NF1: variants seen among roughly 807,000 people sequenced by gnomAD.
NF1 encodes the protein neurofibromin.
Under a neutral mutation model 325.7 loss-of-function variants are expected in NF1, and 122 were observed. That is an observed-to-expected ratio of 0.37 (90% CI 0.32 to 0.44). NF1 has a LOEUF of 0.44. NF1 is among the 20% of genes least tolerant of loss of function. NF1 has a pLI of 1.00. For synonymous variants in NF1, 1,091 were observed against 1,186.0 expected (o/e 0.92, Z 1.65); for missense variants, 2,140 against 3,415.4 (o/e 0.63, Z 9.31).
In NF1 at chr17:31,235,743, G is replaced by A. The variant is rs2151438011; in HGVS notation, c.3841G>A (p.Ala1281Thr). ...GACTCTCTTCCGAGGCAACAGCTTGGCCAGTAAAATAATGACATTCTGTTT... is the reference window on the plus strand; with the variant it reads ...GACTCTCTTCCGAGGCAACAGCTTGACCAGTAAAATAATGACATTCTGTTT... ...MQTLFRGNSL[A>T]SKIMTFCFKV... is the part of the protein sequence containing the mutation. The change falls in exon 28 of 58, where the codon GCC becomes ACC. Residue 1281 changes from alanine (A) to threonine (T), a missense_variant. Ala to Thr is a moderately conservative substitution (Grantham distance 58). Transcript: ENST00000358273. 1 of 1,614,096 alleles carries A rather than the reference G, an allele frequency of 6.2e-7. No individual in the cohort carries two copies. Among genetic ancestry groups the A allele is most frequent in the Non-Finnish European group, 8.5e-7 (1 of 1,180,016 alleles).
chr17:31,239,261 A>G (rs1434411728), intron 29 of NF1, among the ~76,000 whole-genome samples: 1 of 152,244 alleles, frequency 6.6e-6, no homozygotes, highest in Non-Finnish European at 1.5e-5. Context: ...AGAGAAGGCT[A>G]GAGAAAAAAG....
In NF1 at chr17:31,338,810, T is replaced by C. The variant is rs370402788; in HGVS notation, c.6921+5T>C. 1.3e-6 allele frequency: 2 copies of C among 1,574,114 alleles called. No individual in the cohort carries two copies. The highest frequency in any genetic ancestry group is 1.7e-6 in the Non-Finnish European group (2 of 1,143,802). On this transcript the variant is annotated splice_donor_5th_base_variant and intron_variant, in intron 46 of 57. Transcript: ENST00000358273. ...TTACAGCCACTTCTTAATAAGGTAA[T>C]TACTGTATAGAAAATGAGTGCATTC...
At chr17:31,272,991 T>C (rs1486180252) in intron 36 of NF1, among the ~76,000 whole-genome samples, 1 of 152,070 alleles carries the variant, frequency 6.6e-6, no homozygotes, top group Non-Finnish European at 1.5e-5. Context: ...ATCCCAAGAC[T>C]GAAAAAGAGC....
chr17:31,255,867 A>G (rs1234471954), intron 31 of NF1, among the ~76,000 whole-genome samples: 1 of 152,214 alleles, frequency 6.6e-6, no homozygotes. Flanking sequence ...TCATTTTACT[A>G]GCATAAAAAA....
chr17:31,352,201 A>T (rs759694437), intron 50 of NF1, 56 bp from the exon 51 acceptor site: 2 of 1,551,712 alleles, frequency 1.3e-6, no homozygotes, highest in African/African-American at 1.4e-5. Flanking sequence ...GGAGCAAACG[A>T]TGGTTGTATT....
chr17:31,231,070 TC>T, intron 24 of NF1, 145 bp downstream of exon 24: 1 of 661,698 alleles, frequency 1.5e-6, no homozygotes. Context: ...AAGATGCTAA[TC>T]TTTATTACTG....
intron 57 of NF1, among the ~76,000 whole-genome samples, chr17:31,372,613 C>T (rs923831446): frequency 1.3e-5 from 2 of 152,116 alleles, no homozygotes; most frequent in Admixed American, 6.5e-5. Context: ...GCAAGGGTGA[C>T]CACAGTCCTG....
At chr17:31,304,640 AACC>A in intron 36 of NF1, 7 of 1,614,194 alleles carry the variant, frequency 4.3e-6, no homozygotes, top group Non-Finnish European at 5.9e-6. Flanking sequence ...CCAACTGTTG[AACC>A]ATCAGCACTA....
chr17:31,333,008 C>T (rs1363455427), intron 39 of NF1, among the ~76,000 whole-genome samples: 1 of 152,002 alleles, frequency 6.6e-6, no homozygotes, highest in African/African-American at 2.4e-5. Context: ...TCAGGAGGAT[C>T]GCTAAGCCCA....
intron 1 of NF1, among the ~76,000 whole-genome samples, chr17:31,120,282 C>T (rs1914318270): frequency 6.6e-6 from 1 of 152,058 alleles, no homozygotes; most frequent in South Asian, 2.1e-4. Context: ...TCTTTTATTT[C>T]CTTGAGCAGT....
chr17:31,159,798 T>A (rs2065730606), intron 3 of NF1, among the ~76,000 whole-genome samples: 1 of 152,230 alleles, frequency 6.6e-6, no homozygotes, highest in African/African-American at 2.4e-5. Flanking sequence ...TCTGTTTTAA[T>A]GATCTGCCTA....
chr17:31,128,115 T>A (rs1251306756), intron 1 of NF1, among the ~76,000 whole-genome samples: 5 of 148,806 alleles, frequency 3.4e-5, no homozygotes, highest in Non-Finnish European at 7.4e-5. Flanking sequence ...CTGATTTTTG[T>A]ATTTTTTTTT....
intron 1 of NF1, among the ~76,000 whole-genome samples, chr17:31,151,425 C>G (rs1916933278): frequency 6.6e-6 from 1 of 152,140 alleles, no homozygotes; most frequent in Non-Finnish European, 1.5e-5. Flanking sequence ...TCATCTGAAG[C>G]ATATTCTCTA....
intron 1 of NF1, among the ~76,000 whole-genome samples, chr17:31,124,976 TA>T (rs565114032): frequency 0.046 from 6,532 of 142,640 alleles, 423 homozygotes; most frequent in African/African-American, 0.15. Context: ...AGTTTATACT[TA>T]AAAAAAAAAA....
intron 57 of NF1, among the ~76,000 whole-genome samples, chr17:31,366,255 A>G (rs1389345401): frequency 6.6e-6 from 1 of 152,192 alleles, no homozygotes; most frequent in Non-Finnish European, 1.5e-5. Flanking sequence ...TTTACTAGGA[A>G]AAAGGCTTTA....
intron 21 of NF1, 135 bp downstream of exon 21, chr17:31,229,600 T>G (rs1273274010): frequency 8.9e-7 from 1 of 1,129,780 alleles, no homozygotes; most frequent in East Asian, 2.4e-5. Flanking sequence ...GAAAGAAGAG[T>G]CATCTCAATG....
At chr17:31,342,185 G>A (rs552690527) in intron 47 of NF1, among the ~76,000 whole-genome samples, 1 of 152,260 alleles carries the variant, frequency 6.6e-6, no homozygotes, top group South Asian at 2.1e-4. Flanking sequence ...GCCCATGCTT[G>A]TACATCTGTT....
At chr17:31,099,685 A>G (rs1912123976) in intron 1 of NF1, among the ~76,000 whole-genome samples, 1 of 150,294 alleles carries the variant, frequency 6.7e-6, no homozygotes, top group African/African-American at 2.5e-5. Flanking sequence ...TCAGCCTCCC[A>G]AGTAGCTGGG....
intron 36 of NF1, among the ~76,000 whole-genome samples, chr17:31,299,189 C>G (rs923554973): frequency 1.3e-5 from 2 of 151,986 alleles, no homozygotes; most frequent in Non-Finnish European, 2.9e-5. Context: ...CAATCTCTTA[C>G]ACTGGGTGCA....
Sources: allele counts gnomAD v4.1 joint callset (sites outside exome capture counted in the v4.1 genomes callset), GRCh38; gene constraint gnomAD v4.1.1; transcripts MANE v1.5; gene names NCBI Gene and HGNC (gene_info 2026-07-23, HGNC 2026-07-21).